Variants in KAT2B observed in about 807,000 individuals in gnomAD.
KAT2B encodes histone acetyltransferase KAT2B.
KAT2B carries 36 observed loss-of-function variants against 105.9 expected under a neutral mutation model. The ratio of observed to expected loss-of-function variants is 0.34; its 90% CI spans 0.26 to 0.45. The LOEUF is 0.45. Ranked by LOEUF, KAT2B falls within the 20% of genes least tolerant of loss-of-function variation. KAT2B has a pLI of 1.00. For synonymous variants in KAT2B, 397 were observed against 377.9 expected, an observed-to-expected ratio of 1.05 and a Z score of -0.59; for missense variants, 820 against 1,021.6, an observed-to-expected ratio of 0.80 and a Z score of 2.69.
chr3:20,118,356 G>A (rs1332372294), intron 7 of KAT2B, among the ~76,000 whole-genome samples: 3 of 146,250 alleles, frequency 2.1e-5, no homozygotes, highest in African/African-American at 7.7e-5. Flanking sequence ...GTGTGTGTGT[G>A]TGTATGTGTG....
intron 13 of KAT2B, among the ~76,000 whole-genome samples, chr3:20,141,470 T>C (rs1290937555): frequency 2.6e-5 from 4 of 152,194 alleles, no homozygotes; most frequent in African/African-American, 9.6e-5. Context: ...GATCACCTCC[T>C]GGCTGCTCCC....
intron 9 of KAT2B, 141 bp from the exon 10 acceptor site, chr3:20,125,764 T>C (rs1699391251): frequency 7.6e-6 from 5 of 659,166 alleles, no homozygotes; most frequent in East Asian, 5.2e-5. Context: ...TGTGTATGTG[T>C]GCACACATGT....
At chr3:20,067,986 T>G (rs1449465022) in intron 1 of KAT2B, among the ~76,000 whole-genome samples, 1 of 148,846 alleles carries the variant, frequency 6.7e-6, no homozygotes, top group Admixed American at 6.8e-5. Flanking sequence ...TTCATTTCTT[T>G]TTTCTTTCTT....
intron 8 of KAT2B, 68 bp from the exon 9 acceptor site, chr3:20,122,600 G>C: frequency 7.9e-7 from 1 of 1,262,572 alleles, no homozygotes; most frequent in Non-Finnish European, 1.1e-6. Flanking sequence ...TAGAAAATTA[G>C]TTGGCGTGTA....
intron 7 of KAT2B, among the ~76,000 whole-genome samples, chr3:20,118,191 A>G (rs1466261159): frequency 6.8e-6 from 1 of 146,840 alleles, no homozygotes; most frequent in African/African-American, 2.5e-5. Flanking sequence ...TATAGTTTAA[A>G]TTTATATATA....
intron 1 of KAT2B, among the ~76,000 whole-genome samples, chr3:20,054,337 C>T (rs999080218): frequency 3.3e-5 from 5 of 151,852 alleles, no homozygotes; most frequent in African/African-American, 4.8e-5. Flanking sequence ...CCATCTTGGC[C>T]AGGCTGGTCT....
chr3:20,055,860 T>C (rs997242058), intron 1 of KAT2B, among the ~76,000 whole-genome samples: 1 of 152,230 alleles, frequency 6.6e-6, no homozygotes, highest in African/African-American at 2.4e-5. Context: ...TGTGTCACTT[T>C]AAGTTAATTT....
At chr3:20,118,516 A>C (rs1469460703) in intron 7 of KAT2B, among the ~76,000 whole-genome samples, 1 of 149,668 alleles carries the variant, frequency 6.7e-6, no homozygotes, top group African/African-American at 2.4e-5. Flanking sequence ...CAGGAGTTTG[A>C]GTTTGAGACC....
chr3:20,044,865 A>G (rs1697780089), intron 1 of KAT2B, among the ~76,000 whole-genome samples: 1 of 152,234 alleles, frequency 6.6e-6, no homozygotes, highest in Non-Finnish European at 1.5e-5. Flanking sequence ...GACTAAGCGA[A>G]TGAACCAGAG....
At chr3:20,081,160 T>A (rs1267573880) in intron 2 of KAT2B, among the ~76,000 whole-genome samples, 1 of 152,246 alleles carries the variant, frequency 6.6e-6, no homozygotes, top group Non-Finnish European at 1.5e-5. Flanking sequence ...ACAAAAAATG[T>A]ATTTGAGCAG....
chr3:20,143,298 C>G (rs891540673), intron 13 of KAT2B, among the ~76,000 whole-genome samples: 2 of 152,130 alleles, frequency 1.3e-5, no homozygotes, highest in Admixed American at 6.5e-5. Context: ...GAAAATATCT[C>G]CTTTCTGAGA....
intron 8 of KAT2B, among the ~76,000 whole-genome samples, chr3:20,121,096 G>T (rs1699299689): frequency 6.6e-6 from 1 of 152,124 alleles, no homozygotes; most frequent in Non-Finnish European, 1.5e-5. Context: ...CATGGAATTT[G>T]AGGACTTATT....
intron 17 of KAT2B, among the ~76,000 whole-genome samples, chr3:20,150,885 G>T (rs926930800): frequency 3.6e-5 from 3 of 83,808 alleles, no homozygotes; most frequent in African/African-American, 5.3e-5. Flanking sequence ...CCCCCTTTTT[G>T]GGGGGTACAT....
chr3:20,074,568 C>A (rs531111517), intron 2 of KAT2B, among the ~76,000 whole-genome samples: 2 of 152,282 alleles, frequency 1.3e-5, no homozygotes, highest in East Asian at 3.9e-4. Flanking sequence ...GGTACTATAA[C>A]ACTATCAGGG....
intron 14 of KAT2B, among the ~76,000 whole-genome samples, chr3:20,147,123 G>T (rs1417953588): frequency 6.6e-6 from 1 of 152,038 alleles, no homozygotes; most frequent in African/African-American, 2.4e-5. Flanking sequence ...TTCAAATCCA[G>T]GTTCTTTTTA....
In KAT2B at chr3:20,044,002, AC is replaced by A. The variant is rs1697762834; in HGVS notation, c.303+3223del. Among the ~76,000 whole-genome samples the A allele has an allele frequency of 4.0e-5, 6 of 151,882 alleles. No homozygotes were observed. In the South Asian group the frequency reaches 1.2e-3, roughly 32 times the overall value. ...TAAATCTGGCCTTTAAACTTCACAA[AC>A]GAAACCAAAAAAGAAGGGAGCTAAG... On this transcript the variant is annotated intron_variant, in intron 1 of 17. Transcript: ENST00000263754.
intron 8 of KAT2B, 116 bp downstream of exon 8, chr3:20,119,839 A>G: frequency 9.2e-7 from 1 of 1,086,296 alleles, no homozygotes; most frequent in Non-Finnish European, 1.3e-6. Context: ...CCAGGATTTT[A>G]ACAGCTAGAA....
intron 1 of KAT2B, among the ~76,000 whole-genome samples, chr3:20,059,334 A>G (rs972556916): frequency 6.8e-6 from 1 of 147,044 alleles, no homozygotes; most frequent in Non-Finnish European, 1.5e-5. Context: ...GAATCGCTTG[A>G]ACCTGGGAGG....
chr3:20,089,239 A>G (rs1698672207), intron 2 of KAT2B, among the ~76,000 whole-genome samples: 1 of 152,068 alleles, frequency 6.6e-6, no homozygotes. Flanking sequence ...ACAGATTTTA[A>G]GATTATTTTT....
Sources: gnomAD v4.1 joint callset for allele counts (sites outside exome capture counted in the v4.1 genomes callset) on GRCh38, gnomAD v4.1.1 for gene constraint, MANE v1.5 for transcripts, NCBI Gene and HGNC (gene_info 2026-07-23, HGNC 2026-07-21) for gene names.